The following ZFYVE1 variants were observed in gnomAD, a reference collection of about 807,000 sequenced individuals.
ZFYVE1 encodes the protein zinc finger FYVE domain-containing protein 1.
In ZFYVE1, 30 loss-of-function variants were observed where a neutral mutation model predicts 74.4. That is an observed-to-expected ratio of 0.40 (90% CI 0.30 to 0.55). The LOEUF (loss-of-function observed/expected upper bound fraction) is 0.55. Ranked by LOEUF, ZFYVE1 falls within the 20% of genes least tolerant of loss-of-function variation. ZFYVE1 has a pLI of 0.42. For missense variants in ZFYVE1, 703 were observed against 1,011.6 expected, an observed-to-expected ratio of 0.69 and a Z score of 4.14; for synonymous variants, 335 against 385.1, an observed-to-expected ratio of 0.87 and a Z score of 1.52.
At chr14:72,982,180 C>A (rs1555531974) in intron 4 of ZFYVE1, among the ~76,000 whole-genome samples, 1 of 152,184 alleles carries the variant, frequency 6.6e-6, no homozygotes. Context: ...TTATTCAAGA[C>A]CACCACAAAT....
At chr14:72,991,461 T>G (rs557241129) in intron 4 of ZFYVE1, among the ~76,000 whole-genome samples, 1 of 152,140 alleles carries the variant, frequency 6.6e-6, no homozygotes, top group Non-Finnish European at 1.5e-5. Context: ...AGTGCTGGGA[T>G]TACAGGCGTG....
At chr14:73,023,702 T>C (rs915456758) in intron 2 of ZFYVE1, among the ~76,000 whole-genome samples, 6 of 151,974 alleles carry the variant, frequency 3.9e-5, no homozygotes, top group Non-Finnish European at 7.4e-5. Context: ...CTACAATTAA[T>C]ACTAACAACA....
chr14:72,989,813 A>G (rs1893566349), intron 4 of ZFYVE1, among the ~76,000 whole-genome samples: 2 of 152,148 alleles, frequency 1.3e-5, no homozygotes, highest in Admixed American at 6.6e-5. Context: ...AAAAAAAAAG[A>G]AAAAGAAAAA....
chr14:72,977,894 TAAAGAA>T (rs1197437891), intron 8 of ZFYVE1, 27 bp downstream of exon 8: 3 of 1,607,548 alleles, frequency 1.9e-6, no homozygotes, highest in Admixed American at 1.7e-5. Context: ...CGACACAAGA[TAAAGAA>T]AAACAGAGAA....
chr14:72,972,976 A>G (rs1893073805), intron 11 of ZFYVE1, among the ~76,000 whole-genome samples: 1 of 151,710 alleles, frequency 6.6e-6, no homozygotes, highest in Non-Finnish European at 1.5e-5. Context: ...AAGTGCTGGT[A>G]TTATAGGCGT....
At chr14:73,017,226 C>G (rs752319831) in intron 2 of ZFYVE1, among the ~76,000 whole-genome samples, 1 of 152,172 alleles carries the variant, frequency 6.6e-6, no homozygotes, top group Non-Finnish European at 1.5e-5. Context: ...TAGACTAAAC[C>G]TTCATCTGTC....
intron 3 of ZFYVE1, among the ~76,000 whole-genome samples, chr14:72,994,529 C>CA (rs1893700746): frequency 6.6e-6 from 1 of 151,948 alleles, no homozygotes; most frequent in Non-Finnish European, 1.5e-5. Context: ...AAACTCATCA[C>CA]ATGATACCTT....
At chr14:72,980,751 G>A (rs1335481070) in intron 5 of ZFYVE1, among the ~76,000 whole-genome samples, 2 of 151,638 alleles carry the variant, frequency 1.3e-5, no homozygotes, top group African/African-American at 4.8e-5. Context: ...TGTATTTTTA[G>A]TAGAGACAGG....
chr14:72,971,131 T>C lies in ZFYVE1; in HGVS notation c.2102-17A>G. On this transcript the variant is annotated splice_polypyrimidine_tract_variant and intron_variant, in intron 11 of 11. Coordinates refer to ENST00000556143, the MANE Select transcript of ZFYVE1 (RefSeq NM_021260.4). ...TTACCAGACCTAAGGCAGGGAACAA[T>C]GGTCAGGGCACCCAAAGCCCAATAC... 3.7e-6 allele frequency: 6 copies of C among 1,613,556 alleles called. No individual in the cohort carries two copies. The highest frequency in any genetic ancestry group is 1.6e-4 in the Middle Eastern group (1 of 6,062).
At chr14:73,001,773 AC>A (rs1461020892) in intron 2 of ZFYVE1, among the ~76,000 whole-genome samples, 1 of 148,442 alleles carries the variant, frequency 6.7e-6, no homozygotes, top group Non-Finnish European at 1.5e-5. Flanking sequence ...ACATGGAGAA[AC>A]CCCGTCTCTA....
In ZFYVE1 at chr14:72,981,878, G is replaced by A; in HGVS notation, c.1221C>T (p.Phe407=). ...FKALKALSDR[F]SGEIPDDQMA... is the part of the protein sequence containing the mutation. Reference sequence around the variant, plus strand: ...TCTGGTCATCGGGGATCTCACCGCTGAAGCGGTCACTTAGTGCCTGCCAAG... The same window carrying A: ...TCTGGTCATCGGGGATCTCACCGCTAAAGCGGTCACTTAGTGCCTGCCAAG... The change falls in exon 5 of 12, where the codon TTC becomes TTT. Residue 407 remains phenylalanine, a synonymous_variant. Coordinates refer to ENST00000556143, the MANE Select transcript of ZFYVE1 (RefSeq NM_021260.4). 6.2e-7 allele frequency: 1 copy of A among 1,614,022 alleles called. No homozygotes were observed. The highest frequency in any genetic ancestry group is 8.5e-7 in the Non-Finnish European group (1 of 1,180,022).
At chr14:72,979,269 G>C in intron 5 of ZFYVE1, 1 of 311,856 alleles carries the variant, frequency 3.2e-6, no homozygotes. Context: ...GGAGGCCGAC[G>C]GGGGCAGATC....
intron 2 of ZFYVE1, among the ~76,000 whole-genome samples, chr14:73,017,845 G>C (rs778137005): frequency 3.3e-5 from 5 of 152,090 alleles, no homozygotes; most frequent in Non-Finnish European, 7.4e-5. Context: ...GTCTCTATCA[G>C]GTCACTATAG....
At chr14:73,018,964 G>A (rs1353923682) in intron 2 of ZFYVE1, among the ~76,000 whole-genome samples, 1 of 151,672 alleles carries the variant, frequency 6.6e-6, no homozygotes, top group Non-Finnish European at 1.5e-5. Context: ...AAAGTTCCTG[G>A]CACATAATAT....
intron 5 of ZFYVE1, among the ~76,000 whole-genome samples, chr14:72,980,536 A>AGTTT (rs1567347244): frequency 2.5e-5 from 2 of 81,504 alleles, no homozygotes; most frequent in Non-Finnish European, 5.5e-5. Context: ...AGAATTAATT[A>AGTTT]ATTTATTTAT....
Position 73,024,434 on chromosome 14 carries a change from G to A in ZFYVE1, c.75C>T (p.Ser25=), listed in dbSNP as rs527890144. ...ACTCAAAGATAGCTTCATCAGTCCC[G>A]CTGCAAGCGTAACTTTCCTGGCACA... is the stretch of plus-strand genomic sequence containing the variant. ...GLMCQESYAC[S]GTDEAIFECD... Residue 25 remains serine, a synonymous_variant, in exon 2 of 12, where the codon AGC becomes AGT. Coordinates refer to ENST00000556143, the MANE Select transcript of ZFYVE1 (RefSeq NM_021260.4). 16 of 1,614,054 alleles carry A rather than the reference G, an allele frequency of 9.9e-6. No individual in the cohort carries two copies. Among genetic ancestry groups the A allele is most frequent in the East Asian group, 4.5e-5 (2 of 44,872 alleles).
At chr14:72,992,621 C>CCCCCG (rs1471945072) in intron 4 of ZFYVE1, among the ~76,000 whole-genome samples, 6 of 111,196 alleles carry the variant, frequency 5.4e-5, no homozygotes, top group East Asian at 4.9e-4. Flanking sequence ...AGGTGCCCCC[C>CCCCCG]CCGCCCCTTG....
At chr14:73,006,709 CTTTTT>C (rs35364666) in intron 2 of ZFYVE1, among the ~76,000 whole-genome samples, 12 of 77,682 alleles carry the variant, frequency 1.5e-4, no homozygotes, top group African/African-American at 2.3e-4. Flanking sequence ...ACCCCAGTTC[CTTTTT>C]TTTTTTTTTT....
At chr14:73,000,707 A>T (rs1189638273) in intron 2 of ZFYVE1, among the ~76,000 whole-genome samples, 1 of 152,228 alleles carries the variant, frequency 6.6e-6, no homozygotes, top group African/African-American at 2.4e-5. Flanking sequence ...CCAGTCCGGA[A>T]AACAGCTTGT....
Sources: allele counts gnomAD v4.1 joint callset (sites outside exome capture counted in the v4.1 genomes callset), GRCh38; gene constraint gnomAD v4.1.1; transcripts MANE v1.5; gene names NCBI Gene and HGNC (gene_info 2026-07-23, HGNC 2026-07-21).